Variants in MSI2 observed in about 807,000 individuals in gnomAD.
The protein encoded by MSI2 is RNA-binding protein Musashi homolog 2.
In MSI2, 17 loss-of-function variants were observed where a neutral mutation model predicts 45.6. The ratio of observed to expected loss-of-function variants is 0.37; its 90% CI spans 0.26 to 0.56. The LOEUF (loss-of-function observed/expected upper bound fraction) is 0.56, where lower values mean the gene tolerates loss of function less well. Ranked by LOEUF, MSI2 falls within the 20% of genes least tolerant of loss-of-function variation. The probability of loss-of-function intolerance (pLI) is 0.77; values close to 1 mark genes in which losing one functional copy is unlikely to be tolerated. For synonymous variants in MSI2, 156 were observed against 158.2 expected, an observed-to-expected ratio of 0.99 and a Z score of 0.11; for missense variants, 293 against 444.2, an observed-to-expected ratio of 0.66 and a Z score of 3.06.
rs181660225 is a variant in MSI2, at chr17:57,654,107, A to G, written c.790+1946A>G. On this transcript the variant is annotated intron_variant, in intron 11 of 13. Coordinates refer to ENST00000284073, the MANE Select transcript of MSI2 (RefSeq NM_138962.4). ...TGCCCACACCAGCCTGGGTTAGCGC[A>G]AGGAGTAAATCCTCAACTCCGAGGT... Among the ~76,000 whole-genome samples the G allele has an allele frequency of 2.1e-3, 316 of 152,300 alleles. 1 individual carries two copies. Among genetic ancestry groups the G allele is most frequent in the African/African-American group, 7.4e-3 (307 of 41,570 alleles).
At chr17:57,634,552 A>G (rs935592975) in intron 10 of MSI2, among the ~76,000 whole-genome samples, 2 of 152,192 alleles carry the variant, frequency 1.3e-5, no homozygotes, top group African/African-American at 2.4e-5. Context: ...AGAGAAGGTG[A>G]CACCAGAACT....
At chr17:57,296,439 A>G (rs1159438416) in intron 5 of MSI2, among the ~76,000 whole-genome samples, 3 of 152,048 alleles carry the variant, frequency 2.0e-5, no homozygotes, top group Non-Finnish European at 2.9e-5. Context: ...AGGCTTGGTC[A>G]TTGTCTGGGT....
At chr17:57,675,232 C>T (rs377688555) in intron 12 of MSI2, 106 bp downstream of exon 12, 2 of 1,134,740 alleles carry the variant, frequency 1.8e-6, no homozygotes. Context: ...GAGGAGAGGA[C>T]AGAGGGTCCC....
At chr17:57,689,674 C>T (rs999989583), downstream of MSI2, among the ~76,000 whole-genome samples, 1 of 152,192 alleles carries the variant, frequency 6.6e-6, no homozygotes, top group Non-Finnish European at 1.5e-5. Context: ...TTCAAAAATT[C>T]TCTTGAGCTC....
At chr17:57,691,213 A>G in the MSI2 span, among the ~76,000 whole-genome samples, 2 of 111,814 alleles carry the variant, frequency 1.8e-5, no homozygotes, top group Non-Finnish European at 3.9e-5. Flanking sequence ...CTATCTATCT[A>G]TCTATCTATC....
At chr17:57,515,230 G>A (rs529850194) in intron 6 of MSI2, among the ~76,000 whole-genome samples, 143 of 152,146 alleles carry the variant, frequency 9.4e-4, no homozygotes, top group African/African-American at 3.4e-3. Context: ...TTGAGACGGA[G>A]TCTCGCTCTG....
intron 13 of MSI2, among the ~76,000 whole-genome samples, chr17:57,678,415 G>A (rs745798299): frequency 6.6e-6 from 1 of 152,244 alleles, no homozygotes; most frequent in African/African-American, 2.4e-5. Flanking sequence ...TGGGGACCCA[G>A]AGGAAGTAAG....
At chr17:57,691,203 CTATCTATCTATCTATCT>C in the MSI2 span, among the ~76,000 whole-genome samples, 2 of 72,368 alleles carry the variant, frequency 2.8e-5, no homozygotes, top group Admixed American at 2.8e-4. Flanking sequence ...TCTCTCTCAT[CTATCTATCTATCTATCT>C]ATCTATCTAT....
chr17:57,324,123 CAT>C (rs1913582042), intron 5 of MSI2, among the ~76,000 whole-genome samples: 1 of 152,326 alleles, frequency 6.6e-6, no homozygotes, highest in South Asian at 2.1e-4. Context: ...GCCTGGGTAA[CAT>C]AGCAAGGCCA....
At chr17:57,379,263 CT>C (rs1171625085) in intron 5 of MSI2, among the ~76,000 whole-genome samples, 4 of 152,010 alleles carry the variant, frequency 2.6e-5, no homozygotes. Context: ...CCACCTGCCT[CT>C]ACTACTCGAT....
intron 5 of MSI2, among the ~76,000 whole-genome samples, chr17:57,379,296 C>T (rs1419808318): frequency 6.6e-6 from 1 of 152,054 alleles, no homozygotes; most frequent in Non-Finnish European, 1.5e-5. Context: ...AAACCCTTCT[C>T]TGAGTCAGGG....
chr17:57,307,302 C>T lies in MSI2; in HGVS notation c.312+45110C>T, dbSNP rs553563010. The stretch of plus-strand genomic sequence containing the variant: ...CAGGTTACTCTCCATGGGCAGGAGT[C>T]ACCCAGTCTGTTGAAGGCCTTAAGA... On this transcript the variant is annotated intron_variant, in intron 5 of 13. Coordinates refer to ENST00000284073, the MANE Select transcript of MSI2 (RefSeq NM_138962.4). Among the ~76,000 whole-genome samples, 7 of 152,334 alleles carry T rather than the reference C, an allele frequency of 4.6e-5. No homozygotes were observed. In the South Asian group the frequency reaches 1.5e-3, roughly 32 times the overall value.
chr17:57,275,754 G>C (rs1908786004), intron 5 of MSI2, among the ~76,000 whole-genome samples: 1 of 152,118 alleles, frequency 6.6e-6, no homozygotes, highest in East Asian at 1.9e-4. Flanking sequence ...AGGAGAGAAG[G>C]GGTGGCCAGG....
chr17:57,335,816 T>C (rs1345986506), intron 5 of MSI2, among the ~76,000 whole-genome samples: 1 of 152,066 alleles, frequency 6.6e-6, no homozygotes, highest in African/African-American at 2.4e-5. Context: ...GGGAGCACAG[T>C]GATGGCAAAG....
At chr17:57,537,323 A>C (rs969544091) in intron 7 of MSI2, among the ~76,000 whole-genome samples, 2 of 152,046 alleles carry the variant, frequency 1.3e-5, no homozygotes, top group Non-Finnish European at 2.9e-5. Flanking sequence ...GCAGGGCTGT[A>C]TCCCCAGGCC....
intron 6 of MSI2, among the ~76,000 whole-genome samples, chr17:57,421,279 C>T (rs1436459425): frequency 6.6e-6 from 1 of 152,128 alleles, no homozygotes; most frequent in East Asian, 1.9e-4. Context: ...TCTGTCAAAG[C>T]GCATGTTGAC....
the MSI2 span, among the ~76,000 whole-genome samples, chr17:57,698,505 C>T: frequency 1.3e-5 from 2 of 152,194 alleles, no homozygotes; most frequent in African/African-American, 4.8e-5. Flanking sequence ...GATAACATGA[C>T]CCCAGTAGCA....
chr17:57,593,467 T>G (rs1905020809), intron 7 of MSI2, among the ~76,000 whole-genome samples: 1 of 152,178 alleles, frequency 6.6e-6, no homozygotes, highest in Non-Finnish European at 1.5e-5. Context: ...CACTCCATTC[T>G]CTGCCTACCT....
intron 5 of MSI2, among the ~76,000 whole-genome samples, chr17:57,391,062 G>A (rs2083781843): frequency 6.6e-6 from 1 of 152,200 alleles, no homozygotes; most frequent in Non-Finnish European, 1.5e-5. Context: ...AAATGGAAAT[G>A]TTTTGGGAAA....
Sources: gnomAD v4.1 joint callset for allele counts (sites outside exome capture counted in the v4.1 genomes callset) on GRCh38, gnomAD v4.1.1 for gene constraint, MANE v1.5 for transcripts, NCBI Gene and HGNC (gene_info 2026-07-23, HGNC 2026-07-21) for gene names.